TNRC6A: variants seen among roughly 807,000 people sequenced by gnomAD.
TNRC6A encodes trinucleotide repeat-containing gene 6A protein.
A neutral mutation model predicts 221.2 loss-of-function variants in TNRC6A; 44 were observed. The observed-to-expected ratio is 0.20, with a 90% confidence interval of 0.16 to 0.26. The LOEUF is 0.26. Among genes scored for constraint, TNRC6A ranks in the 10% least tolerant of loss-of-function variants. The pLI, the probability that TNRC6A is intolerant of heterozygous loss-of-function variation, is 1.00. For synonymous variants in TNRC6A, 847 were observed against 838.5 expected, an observed-to-expected ratio of 1.01 and a Z score of -0.18; for missense variants, 2,199 against 2,404.4, an observed-to-expected ratio of 0.91 and a Z score of 1.79.
intron 5 of TNRC6A, among the ~76,000 whole-genome samples, chr16:24,784,235 CAG>C (rs2057917312): frequency 6.6e-6 from 1 of 152,198 alleles, no homozygotes; most frequent in African/African-American, 2.4e-5. Flanking sequence ...CTCTTGACCT[CAG>C]TTGATCCTCC....
intron 1 of TNRC6A, among the ~76,000 whole-genome samples, chr16:24,616,342 AAAGAAG>A (rs575298794): frequency 0.15 from 20,809 of 143,036 alleles, 1,427 homozygotes; most frequent in South Asian, 0.25. Flanking sequence ...AAAAAAAAAA[AAAGAAG>A]AAGAAGAAGA....
chr16:24,825,234 C>CT lies in TNRC6A; in HGVS notation c.*1429dup, dbSNP rs1355517260. ...CCCACAAATGGTATTATAATGCTTGCTTAGTCAAAGAAGAGAGACTAAACA... is the reference window on the plus strand; with the variant it reads ...CCCACAAATGGTATTATAATGCTTGCTTTAGTCAAAGAAGAGAGACTAAACA... On this transcript the variant is annotated 3_prime_UTR_variant, in exon 25 of 25. Coordinates refer to ENST00000395799, the MANE Select transcript of TNRC6A (RefSeq NM_014494.4). The CT allele has an allele frequency of 6.6e-6, 1 of 152,596 alleles. No homozygotes were observed. Among genetic ancestry groups the CT allele is most frequent in the Non-Finnish European group, 1.5e-5 (1 of 68,036 alleles). 9.5% of individuals were successfully genotyped at this position (152,596 alleles called of 1,614,324 possible). A position where few individuals can be genotyped will look rare whatever the true frequency, so the allele number is the denominator to read the frequency against.
upstream of TNRC6A, among the ~76,000 whole-genome samples, chr16:24,724,713 C>T (rs994612159): frequency 6.6e-6 from 1 of 152,076 alleles, no homozygotes; most frequent in African/African-American, 2.4e-5. Context: ...CACTGCACTC[C>T]AGCCAGGGTG....
In TNRC6A at chr16:24,790,240, A is replaced by G. The variant is rs534334174; in HGVS notation, c.1598A>G (p.Lys533Arg). The G allele has an allele frequency of 6.2e-7, 1 of 1,614,192 alleles. No homozygotes were observed. The highest frequency in any genetic ancestry group is 8.5e-7 in the Non-Finnish European group (1 of 1,180,038). The change falls in exon 6 of 25, where the codon AAA becomes AGA. Residue 533 changes from lysine (K) to arginine (R), a missense_variant. This residue lies in a region of TNRC6A where 1,405 missense variants were observed against 1,400.2 expected (regional missense o/e 1.00). Transcript: ENST00000395799. ...TATGGTTCTAATTACTCTGGAGACA[A>G]ATGTTCAGGCCCTAATGGCCAAGCT... ...GAYGSNYSGD[K>R]CSGPNGQANG... is the part of the protein sequence containing the mutation.
intron 3 of TNRC6A, among the ~76,000 whole-genome samples, chr16:24,753,450 A>G (rs1045787159): frequency 6.6e-6 from 1 of 152,270 alleles, no homozygotes; most frequent in African/African-American, 2.4e-5. Flanking sequence ...CTAGGCCGCT[A>G]CTGTAAATTA....
At chr16:24,645,692 G>C (rs2141801929) in intron 2 of TNRC6A, among the ~76,000 whole-genome samples, 2 of 150,754 alleles carry the variant, frequency 1.3e-5, no homozygotes, top group Non-Finnish European at 3.0e-5. Flanking sequence ...TAATACTGGT[G>C]ATTACCATTA....
At chr16:24,664,670 A>AAATATTAATAATAAATTTATTAT (rs2055113971) in intron 2 of TNRC6A, among the ~76,000 whole-genome samples, 1 of 134,906 alleles carries the variant, frequency 7.4e-6, no homozygotes, top group African/African-American at 2.9e-5. Flanking sequence ...TTTATTATTT[A>AAATATTAATAATAAATTTATTAT]TTATTTATTA....
chr16:24,749,261 G>A (rs2057082349), intron 2 of TNRC6A, among the ~76,000 whole-genome samples: 1 of 152,088 alleles, frequency 6.6e-6, no homozygotes, highest in African/African-American at 2.4e-5. Context: ...TCCCTGAATG[G>A]GAAGGCTGAT....
intron 2 of TNRC6A, among the ~76,000 whole-genome samples, chr16:24,669,899 A>G (rs1442870387): frequency 1.4e-5 from 2 of 139,110 alleles, no homozygotes; most frequent in South Asian, 2.4e-4. Context: ...TGCTATATGC[A>G]TCCACTCATT....
At position 24,823,048 on chromosome 16, in the gene TNRC6A, C is replaced by T. The variant is rs763780661; in HGVS notation, c.5513+35C>T. On this transcript the variant is annotated intron_variant, in intron 24 of 24. Transcript: ENST00000395799. The surrounding 1 kb of genome is among the most constrained non-coding windows in gnomAD (Gnocchi z 4.3). ...CTGTTGGGCTCCCAGTTGGAAGAGT[C>T]TAGGGGAAGGAGTGTGAGAGCACAG... is the stretch of plus-strand genomic sequence containing the variant. 8.1e-6 allele frequency: 13 copies of T among 1,613,644 alleles called. No individual in the cohort carries two copies. The Admixed American group carries it at 1.7e-4, about 21-fold the overall frequency.
intron 2 of TNRC6A, among the ~76,000 whole-genome samples, chr16:24,719,574 AC>A (rs1167830893): frequency 2.0e-5 from 3 of 151,868 alleles, no homozygotes; most frequent in African/African-American, 7.3e-5. Context: ...GGTGAGAATC[AC>A]TTGAACCTGG....
intron 2 of TNRC6A, among the ~76,000 whole-genome samples, chr16:24,676,114 A>G (rs1029682269): frequency 6.6e-6 from 1 of 152,014 alleles, no homozygotes; most frequent in African/African-American, 2.4e-5. Flanking sequence ...ATGTGCCAAT[A>G]AGATAAAAAG....
intron 2 of TNRC6A, among the ~76,000 whole-genome samples, chr16:24,710,805 G>A (rs1201853433): frequency 1.3e-5 from 2 of 149,976 alleles, no homozygotes; most frequent in East Asian, 2.0e-4. Context: ...TCCGCCTCCC[G>A]AGTTCAAGTG....
rs570771253 is a variant in TNRC6A at position 24,712,883 on chromosome 16, A to G, written n.403-37843A>G. ...CTCCTCCCAGCTCAGCCTCTTGAGAATTTGGGGCCATAGTTATGTGCCACT... is the reference window on the plus strand; with the variant it reads ...CTCCTCCCAGCTCAGCCTCTTGAGAGTTTGGGGCCATAGTTATGTGCCACT... On this transcript the variant is annotated intron_variant and non_coding_transcript_variant, in intron 2 of 2. Transcript: ENST00000566108. Among the ~76,000 whole-genome samples the G allele has an allele frequency of 4.8e-5, 7 of 147,286 alleles. No individual in the cohort carries two copies. The East Asian group carries it at 1.5e-3, about 31-fold the overall frequency.
chr16:24,756,061 A>C (rs1444324541), intron 3 of TNRC6A, among the ~76,000 whole-genome samples: 1 of 152,206 alleles, frequency 6.6e-6, no homozygotes, highest in Non-Finnish European at 1.5e-5. Context: ...GAGCATTTCA[A>C]AGTAAAAATA....
intron 1 of TNRC6A, among the ~76,000 whole-genome samples, chr16:24,624,565 A>G (rs1351023288): frequency 6.6e-6 from 1 of 152,036 alleles, no homozygotes; most frequent in African/African-American, 2.4e-5. Flanking sequence ...TGCAGCCTTG[A>G]ACTCCCAGAC....
chr16:24,793,974 G>T (rs1366005029), intron 7 of TNRC6A, among the ~76,000 whole-genome samples: 2 of 152,126 alleles, frequency 1.3e-5, no homozygotes, highest in Non-Finnish European at 2.9e-5. Flanking sequence ...AGGCCAACTA[G>T]TGTAGCCATG....
chr16:24,669,048 C>G, intron 2 of TNRC6A, among the ~76,000 whole-genome samples: 1 of 151,718 alleles, frequency 6.6e-6, no homozygotes, highest in East Asian at 1.9e-4. Context: ...CAGATTTCTT[C>G]AAACCACATT....
chr16:24,617,335 C>T (rs1277780314), intron 1 of TNRC6A, among the ~76,000 whole-genome samples: 1 of 152,068 alleles, frequency 6.6e-6, no homozygotes, highest in Non-Finnish European at 1.5e-5. Context: ...CACTACGTTG[C>T]CCAGGCTGGT....
Sources: gnomAD v4.1 joint callset for allele counts (sites outside exome capture counted in the v4.1 genomes callset) on GRCh38, gnomAD v4.1.1 for gene constraint, gnomAD v4.1.1 regional missense constraint, Gnocchi (gnomAD v3.1) non-coding constraint, MANE v1.5 for transcripts, NCBI Gene and HGNC (gene_info 2026-07-23, HGNC 2026-07-21) for gene names.